The following SMARCA5 variants were observed in gnomAD, a reference collection of about 807,000 sequenced individuals.
SMARCA5 encodes SWI/SNF-related matrix-associated actin-dependent regulator of chromatin subfamily A member 5.
SMARCA5 carries 18 observed loss-of-function variants against 140.4 expected under a neutral mutation model. That is an observed-to-expected ratio of 0.13 (90% CI 0.09 to 0.19). SMARCA5 has a LOEUF of 0.19. Among genes scored for constraint, SMARCA5 ranks in the 10% least tolerant of loss-of-function variants. SMARCA5 has a pLI of 1.00. For missense variants in SMARCA5, 606 were observed against 1,276.8 expected (o/e 0.47, Z 8.01); for synonymous variants, 449 against 419.6 (o/e 1.07, Z -0.86).
intron 9 of SMARCA5, among the ~76,000 whole-genome samples, chr4:143,532,687 C>T (rs1033851394): frequency 1.3e-5 from 2 of 151,010 alleles, no homozygotes; most frequent in African/African-American, 2.4e-5. Context: ...CCTCCACCCC[C>T]CAAAAACACC....
chr4:143,545,839 T>C (rs898616467), intron 18 of SMARCA5, 86 bp from the exon 19 acceptor site: 1 of 1,249,082 alleles, frequency 8.0e-7, no homozygotes, highest in East Asian at 2.3e-5. Context: ...CCTGGTTGAA[T>C]TGAAACTTGT....
chr4:143,520,118 A>G (rs557716215), intron 2 of SMARCA5, among the ~76,000 whole-genome samples: 1 of 152,240 alleles, frequency 6.6e-6, no homozygotes, highest in African/African-American at 2.4e-5. Context: ...CTCCCTCAAG[A>G]CATTTCAGTT....
intron 23 of SMARCA5, among the ~76,000 whole-genome samples, chr4:143,551,723 G>A (rs532383592): frequency 2.4e-4 from 36 of 151,854 alleles, no homozygotes; most frequent in Admixed American, 2.0e-3. Context: ...TGGACTTTAC[G>A]GACTTATCTC....
chr4:143,545,693 C>T, intron 18 of SMARCA5, 110 bp downstream of exon 18: 1 of 794,616 alleles, frequency 1.3e-6, no homozygotes, highest in Non-Finnish European at 2.1e-6. Flanking sequence ...AACAATACTG[C>T]TTTAGCCTAG....
intron 23 of SMARCA5, among the ~76,000 whole-genome samples, chr4:143,550,357 C>G (rs1737619108): frequency 6.7e-6 from 1 of 150,240 alleles, no homozygotes; most frequent in Non-Finnish European, 1.5e-5. Context: ...TTATAGGTTA[C>G]ATGAGATACT....
intron 4 of SMARCA5, 75 bp from the exon 5 acceptor site, chr4:143,525,376 G>A: frequency 2.2e-6 from 2 of 896,898 alleles, no homozygotes; most frequent in East Asian, 2.4e-5. Context: ...CAGTAGATAT[G>A]TGTAGGCTTA....
Position 143,536,661 on chromosome 4 carries a change from C to T in SMARCA5, c.1478C>T (p.Pro493Leu). ...GKMVVLDKLL[P>L]KLKEQGSRVL... ...ATGGTGGTTTTAGACAAGCTGCTCC[C>T]TAAGTTAAAAGAACAAGGTATCGGT... is the stretch of plus-strand genomic sequence containing the variant. Residue 493 changes from proline (P) to leucine (L), a missense_variant, in exon 11 of 24, where the codon CCT becomes CTT. Pro to Leu is a moderately conservative substitution (Grantham distance 98, BLOSUM62 -3). Coordinates refer to ENST00000283131, the MANE Select transcript of SMARCA5 (RefSeq NM_003601.4). 2 of 1,611,566 alleles carry T rather than the reference C, an allele frequency of 1.2e-6. No homozygotes were observed. Among genetic ancestry groups the T allele is most frequent in the Non-Finnish European group, 1.7e-6 (2 of 1,177,960 alleles).
In SMARCA5 at chr4:143,542,596, A is replaced by T. The variant is rs1287427098; in HGVS notation, c.1904-913A>T. Among the ~76,000 whole-genome samples the T allele has an allele frequency of 2.6e-5, 4 of 152,310 alleles. No homozygotes were observed. In the South Asian group the frequency reaches 6.2e-4, roughly 24 times the overall value. On this transcript the variant is annotated intron_variant, in intron 14 of 23. Coordinates refer to ENST00000283131, the MANE Select transcript of SMARCA5 (RefSeq NM_003601.4). ...ATACAAGTATTTAAAGAAGTTGTTG[A>T]AAACTTGGATCTTTTTCCACTTACT... is the stretch of plus-strand genomic sequence containing the variant.
At chr4:143,535,039 TTG>T (rs1737275397) in intron 10 of SMARCA5, 75 bp downstream of exon 10, 2 of 1,053,482 alleles carry the variant, frequency 1.9e-6, no homozygotes, top group Non-Finnish European at 2.7e-6. Flanking sequence ...TTTTCCTAAT[TTG>T]TGTCTTCATG....
At chr4:143,523,183 C>T (rs180840067) in intron 3 of SMARCA5, among the ~76,000 whole-genome samples, 106 of 152,176 alleles carry the variant, frequency 7.0e-4, no homozygotes, top group Non-Finnish European at 1.4e-3. Flanking sequence ...CACGCCACCA[C>T]GCCCAGCTCA....
intron 2 of SMARCA5, among the ~76,000 whole-genome samples, chr4:143,519,160 T>A (rs1736904422): frequency 6.6e-6 from 1 of 152,128 alleles, no homozygotes; most frequent in African/African-American, 2.4e-5. Context: ...GTATTTTCAT[T>A]TACTTTAAAA....
intron 10 of SMARCA5, 52 bp downstream of exon 10, chr4:143,535,016 C>T: frequency 2.4e-6 from 3 of 1,253,634 alleles, no homozygotes; most frequent in Non-Finnish European, 3.4e-6. Flanking sequence ...CCCTAAATTT[C>T]ATGTGTATTT....
chr4:143,526,603 A>AT, intron 6 of SMARCA5, 143 bp downstream of exon 6: 1 of 623,120 alleles, frequency 1.6e-6, no homozygotes, highest in Non-Finnish European at 2.7e-6. Context: ...GTCTTGGTGG[A>AT]TAAAAAACAG....
chr4:143,536,742 C>A, intron 11 of SMARCA5, 64 bp downstream of exon 11: 2 of 1,146,442 alleles, frequency 1.7e-6, no homozygotes, highest in Non-Finnish European at 2.6e-6. Flanking sequence ...AACAAAGGAG[C>A]ACTGTACTTT....
chr4:143,531,388 C>G (rs1737179745), intron 9 of SMARCA5, among the ~76,000 whole-genome samples: 1 of 152,136 alleles, frequency 6.6e-6, no homozygotes, highest in Non-Finnish European at 1.5e-5. Flanking sequence ...ATTAAAATAC[C>G]CTGCTAAGCA....
chr4:143,539,051 C>G (rs1578801006), intron 13 of SMARCA5, 113 bp downstream of exon 13: 2 of 917,648 alleles, frequency 2.2e-6, no homozygotes, highest in East Asian at 2.4e-5. Flanking sequence ...TTTCTCTAAT[C>G]TAATGGTTCA....
chr4:143,545,360 AT>A, intron 17 of SMARCA5, 109 bp from the exon 18 acceptor site: 1 of 699,956 alleles, frequency 1.4e-6, no homozygotes, highest in East Asian at 2.6e-5. Context: ...TGAAAGATGC[AT>A]TCAGTTGCTT....
chr4:143,557,032 C>T lies in SMARCA5; in HGVS notation c.*3848C>T, dbSNP rs1001027966. On this transcript the variant is annotated 3_prime_UTR_variant, in exon 24 of 24. Transcript: ENST00000283131. Reference sequence around the variant, plus strand: ...CCTCACCTGAGATACTCAAGACTGGCAACATGGGTCTACATTCTTTGTTAC... The same window carrying T: ...CCTCACCTGAGATACTCAAGACTGGTAACATGGGTCTACATTCTTTGTTAC... 2 of 152,218 alleles carry T rather than the reference C, an allele frequency of 1.3e-5. No individual in the cohort carries two copies. Among genetic ancestry groups the T allele is most frequent in the Non-Finnish European group, 2.9e-5 (2 of 68,048 alleles). The allele number at this position is 152,218 out of a possible 1,614,324, so 9.4% of individuals were successfully genotyped here.
Position 143,538,953 on chromosome 4 carries a change from A to T in SMARCA5, c.1770+15A>T. 6.2e-7 allele frequency: 1 copy of T among 1,610,748 alleles called. No homozygotes were observed. The highest frequency in any genetic ancestry group is 8.5e-7 in the Non-Finnish European group (1 of 1,177,636). Reference sequence around the variant, plus strand: ...TTCAGGCTATGGTAAGAGATAACGAATAAATATATTCTGTGCTTAGTAGAT... The same window carrying T: ...TTCAGGCTATGGTAAGAGATAACGATTAAATATATTCTGTGCTTAGTAGAT... On this transcript the variant is annotated intron_variant, in intron 13 of 23. Transcript: ENST00000283131.
Sources: gnomAD v4.1 joint callset for allele counts (sites outside exome capture counted in the v4.1 genomes callset) on GRCh38, gnomAD v4.1.1 for gene constraint, MANE v1.5 for transcripts, NCBI Gene and HGNC (gene_info 2026-07-23, HGNC 2026-07-21) for gene names.